Variants in CELA2A observed in about 807,000 individuals in gnomAD.
The protein encoded by CELA2A is chymotrypsin-like elastase family member 2A.
CELA2A carries 31 observed loss-of-function variants against 35.3 expected under a neutral mutation model. The observed-to-expected ratio is 0.88, with a 90% CI of 0.66 to 1.19. The LOEUF (loss-of-function observed/expected upper bound fraction) is 1.19. CELA2A is among the 50% of genes most tolerant of loss of function. CELA2A has a pLI of 0.00. For synonymous variants in CELA2A, 150 were observed against 149.8 expected (o/e 1.00, Z -0.01); for missense variants, 330 against 352.9 (o/e 0.94, Z 0.52).
At chr1:15,467,607 C>A in intron 7 of CELA2A, 69 bp downstream of exon 7, 1 of 1,549,302 alleles carries the variant, frequency 6.5e-7, no homozygotes. Flanking sequence ...GTGCCATGCC[C>A]ACCTGGTGAC....
chr1:15,468,005 TCCCTTGAA>T (rs1708545575), intron 7 of CELA2A, among the ~76,000 whole-genome samples: 1 of 147,936 alleles, frequency 6.8e-6, no homozygotes, highest in Non-Finnish European at 1.5e-5. Context: ...GGCAGGAGAC[TCCCTTGAA>T]CCTGGGAGAT....
intron 2 of CELA2A, chr1:15,457,440 G>T (rs1708377479): frequency 2.5e-6 from 1 of 405,172 alleles, no homozygotes; most frequent in Non-Finnish European, 4.6e-6. Context: ...GGTGAAACCT[G>T]CCTCTACTAA....
intron 7 of CELA2A, among the ~76,000 whole-genome samples, chr1:15,469,237 C>G (rs1254436028): frequency 1.3e-5 from 2 of 152,120 alleles, no homozygotes; most frequent in East Asian, 1.9e-4. Flanking sequence ...GAGGAGCCAC[C>G]ATGCCTCGTA....
rs777165870 is a variant in CELA2A, at chr1:15,457,160, A to G, written c.115A>G (p.Ser39Gly). The G allele has an allele frequency of 1.9e-6, 3 of 1,614,170 alleles. No homozygotes were observed. In the African/African-American group the frequency reaches 4.0e-5, roughly 22 times the overall value. ...VVGGEEARPNSWPWQVSLQYS... is the reference protein window; with the variant it reads ...VVGGEEARPNGWPWQVSLQYS... ...TGGCGGTGAAGAAGCGAGGCCCAAC[A>G]GCTGGCCCTGGCAGGTGAGTTGACC... Residue 39 changes from serine (S) to glycine (G), a missense_variant, in exon 2 of 8, where the codon AGC (serine) becomes GGC (glycine). Physicochemically the swap from Ser to Gly is moderately conservative, Grantham distance 56. Coordinates refer to ENST00000359621, the MANE Select transcript of CELA2A (RefSeq NM_033440.3).
rs752490488 is a variant in CELA2A at position 15,467,393 on chromosome 1, C to G, written c.647C>G (p.Ser216Cys). 3.1e-6 allele frequency: 5 copies of G among 1,613,354 alleles called. No individual in the cohort carries two copies. The highest frequency in any genetic ancestry group is 4.2e-6 in the Non-Finnish European group (5 of 1,180,028). ...DGVISSCNGD[S>C]GGPLNCQASD... ...AACTCTGGCCTTCCTCAGGGAGACT[C>G]TGGCGGGCCACTGAACTGTCAGGCG... The change falls in exon 7 of 8, where the codon TCT becomes TGT. Residue 216 changes from serine (S) to cysteine (C), a missense_variant. Physicochemically the swap from Ser to Cys is moderately radical, Grantham distance 112. Transcript: ENST00000359621.
intron 5 of CELA2A, among the ~76,000 whole-genome samples, chr1:15,464,817 T>A (rs558879281): frequency 2.6e-5 from 4 of 152,070 alleles, no homozygotes; most frequent in Admixed American, 2.6e-4. Context: ...TCGGCCCAGC[T>A]CTGTCAGTCA....
At chr1:15,462,624 A>C (rs1367939745) in intron 3 of CELA2A, 109 bp from the exon 4 acceptor site, 4 of 1,368,752 alleles carry the variant, frequency 2.9e-6, no homozygotes, top group Non-Finnish European at 4.0e-6. Context: ...AAGATCCCCA[A>C]GTCCCATCTA....
chr1:15,469,850 G>A (rs1409404171), intron 7 of CELA2A, among the ~76,000 whole-genome samples: 1 of 152,124 alleles, frequency 6.6e-6, no homozygotes, highest in Admixed American at 6.6e-5. Context: ...CAAATCCTAA[G>A]ACCGTTTTCC....
At chr1:15,464,046 C>T (rs1448252743) in intron 5 of CELA2A, among the ~76,000 whole-genome samples, 6 of 151,934 alleles carry the variant, frequency 3.9e-5, no homozygotes, top group Non-Finnish European at 7.4e-5. Context: ...AGCGAGACTC[C>T]GCCTCAAAAA....
chr1:15,461,019 C>A (rs1345763042), intron 2 of CELA2A, among the ~76,000 whole-genome samples: 1 of 152,132 alleles, frequency 6.6e-6, no homozygotes, highest in Non-Finnish European at 1.5e-5. Context: ...GGAAACACAT[C>A]CTTGTTCACG....
intron 7 of CELA2A, among the ~76,000 whole-genome samples, chr1:15,471,633 A>T (rs931280363): frequency 6.6e-6 from 1 of 152,162 alleles, no homozygotes; most frequent in African/African-American, 2.4e-5. Flanking sequence ...CCCCAACCAC[A>T]GTGCATAACT....
rs1557515049 is a variant in CELA2A, at chr1:15,457,169, T to C, written c.124T>C (p.Trp42Arg). Residue 42 changes from tryptophan to arginine, a missense_variant, in exon 2 of 8, where the codon TGG (tryptophan) becomes CGG (arginine). By Grantham distance (101) the Trp-to-Arg change is moderately radical. Coordinates refer to ENST00000359621, the MANE Select transcript of CELA2A (RefSeq NM_033440.3). ...AGAAGCGAGGCCCAACAGCTGGCCCTGGCAGGTGAGTTGACCACACTGTAC... is the reference window on the plus strand; with the variant it reads ...AGAAGCGAGGCCCAACAGCTGGCCCCGGCAGGTGAGTTGACCACACTGTAC... ...GEEARPNSWP[W>R]QVSLQYSSNG... is the part of the protein sequence containing the mutation. 3 of 1,614,162 alleles carry C rather than the reference T, an allele frequency of 1.9e-6. No homozygotes were observed. Among genetic ancestry groups the C allele is most frequent in the Non-Finnish European group, 2.5e-6 (3 of 1,180,010 alleles).
chr1:15,463,635 G>T, intron 5 of CELA2A, 113 bp downstream of exon 5: 1 of 1,527,108 alleles, frequency 6.5e-7, no homozygotes, highest in South Asian at 1.2e-5. Context: ...CTGCCTTGGA[G>T]AGACGGGATG....
intron 4 of CELA2A, 92 bp downstream of exon 4, chr1:15,462,953 C>T: frequency 6.5e-7 from 1 of 1,540,718 alleles, no homozygotes; most frequent in Non-Finnish European, 8.9e-7. Context: ...CACCACACCC[C>T]CTCTGCTTCT....
At chr1:15,464,828 C>A (rs950420593) in intron 5 of CELA2A, among the ~76,000 whole-genome samples, 1 of 152,030 alleles carries the variant, frequency 6.6e-6, no homozygotes, top group Admixed American at 6.6e-5. Context: ...CTGTCAGTCA[C>A]GGTGAAACCT....
At chr1:15,464,351 G>C (rs1708482193) in intron 5 of CELA2A, among the ~76,000 whole-genome samples, 1 of 152,062 alleles carries the variant, frequency 6.6e-6, no homozygotes, top group Admixed American at 6.5e-5. Context: ...CTGAATGAGG[G>C]CGGGTCTCCT....
At chr1:15,468,079 T>G (rs1570801384) in intron 7 of CELA2A, among the ~76,000 whole-genome samples, 4 of 109,884 alleles carry the variant, frequency 3.6e-5, no homozygotes, top group East Asian at 2.6e-4. Context: ...ACAAGAAGAG[T>G]GAAACTCCAT....
chr1:15,456,969 T>C lies in CELA2A; in HGVS notation c.41-117T>C, dbSNP rs1015167355. 1.6e-5 allele frequency: 21 copies of C among 1,273,886 alleles called. No individual in the cohort carries two copies. The Admixed American group carries it at 3.7e-4, about 22-fold the overall frequency. 78.9% of individuals were successfully genotyped at this position (1,273,886 alleles called of 1,614,324 possible). A position where few individuals can be genotyped will look rare whatever the true frequency, so the allele number is the denominator to read the frequency against. The stretch of plus-strand genomic sequence containing the variant: ...GAGCAAAGAGCAGGATTCTATGACC[T>C]CTTGGGATCCTTCTAGAACAAGGGT... On this transcript the variant is annotated intron_variant, in intron 1 of 7. Coordinates refer to ENST00000359621, the MANE Select transcript of CELA2A (RefSeq NM_033440.3).
At chr1:15,462,669 C>A in intron 3 of CELA2A, 64 bp from the exon 4 acceptor site, 2 of 1,597,766 alleles carry the variant, frequency 1.3e-6, no homozygotes, top group East Asian at 2.2e-5. Context: ...TTGGGTCTAT[C>A]CCCAGCATTA....
Sources: gnomAD v4.1 joint callset for allele counts (sites outside exome capture counted in the v4.1 genomes callset) on GRCh38, gnomAD v4.1.1 for gene constraint, MANE v1.5 for transcripts, NCBI Gene and HGNC (gene_info 2026-07-23, HGNC 2026-07-21) for gene names.